Variants in EIF3A observed in about 807,000 individuals in gnomAD.
EIF3A encodes eukaryotic translation initiation factor 3 subunit A.
A neutral mutation model predicts 186.6 loss-of-function variants in EIF3A; 21 were observed. That is an observed-to-expected ratio of 0.11 (90% CI 0.08 to 0.16). The LOEUF (loss-of-function observed/expected upper bound fraction) is 0.16, where lower values mean the gene tolerates loss of function less well. Among genes scored for constraint, EIF3A ranks in the 10% least tolerant of loss-of-function variants. EIF3A has a pLI of 1.00. For missense variants in EIF3A, 1,306 were observed against 1,796.3 expected, an observed-to-expected ratio of 0.73 and a Z score of 4.93; for synonymous variants, 563 against 584.3, an observed-to-expected ratio of 0.96 and a Z score of 0.52.
intron 6 of EIF3A, among the ~76,000 whole-genome samples, chr10:119,066,861 T>C (rs1274087378): frequency 6.6e-6 from 1 of 152,204 alleles, no homozygotes; most frequent in African/African-American, 2.4e-5. Context: ...CTCACTATTA[T>C]TGTAGTACTC....
intron 8 of EIF3A, 134 bp downstream of exon 8, chr10:119,061,090 A>G: frequency 1.7e-6 from 1 of 578,386 alleles, no homozygotes; most frequent in Non-Finnish European, 3.0e-6. Flanking sequence ...GAAATAAAGA[A>G]AAAAGACAAT....
In EIF3A at chr10:119,071,071, G is replaced by A. The variant is rs764986538; in HGVS notation, c.556C>T (p.Leu186Phe). ...AATTCAGCCTTACGCGTGTATTGGA[G>A]GCAGAATTTGAAAGCTATAAGCATA... is the stretch of plus-strand genomic sequence containing the variant. ...DIAQQAFKFC[L>F]QYTRKAEFRK... Residue 186 changes from leucine (L) to phenylalanine (F), a missense_variant, in exon 5 of 22, where the codon CTC becomes TTC. By Grantham distance (22) the Leu-to-Phe change is conservative. This residue lies in a region of EIF3A where 130 missense variants were observed against 259.3 expected (regional missense o/e 0.50). Transcript: ENST00000369144. 1.2e-6 allele frequency: 2 copies of A among 1,613,212 alleles called. No individual in the cohort carries two copies. The highest frequency in any genetic ancestry group is 2.7e-5 in the African/African-American group (2 of 74,874).
intron 1 of EIF3A, among the ~76,000 whole-genome samples, chr10:119,074,641 T>C (rs1251885038): frequency 6.7e-6 from 1 of 149,220 alleles, no homozygotes; most frequent in East Asian, 2.0e-4. Flanking sequence ...AATAAAAAAA[T>C]AGAAAAATGG....
In EIF3A at chr10:119,060,836, AT is replaced by A; in HGVS notation, c.1235del (p.Asn412IlefsTer44). 1 of 1,604,340 alleles carries A rather than the reference AT, an allele frequency of 6.2e-7. No homozygotes were observed. The highest frequency in any genetic ancestry group is 8.5e-7 in the Non-Finnish European group (1 of 1,175,204). On this transcript the variant is annotated frameshift_variant, in exon 9 of 22. Coordinates refer to ENST00000369144, the MANE Select transcript of EIF3A (RefSeq NM_003750.4). LOFTEE classifies it high-confidence loss of function. ...KLCERVTKVL[N>X]WVREQPEKEP... ...CCTTTTCAGGTTGTTCCCTAACCCA[AT>A]TTAGAACCTATAAAATCCATTAAAT...
rs867823299 is a variant in EIF3A, at chr10:119,035,087, G to T, written c.*952C>A. 6.6e-6 allele frequency: 1 copy of T among 152,504 alleles called. No individual in the cohort carries two copies. Among genetic ancestry groups the T allele is most frequent in the African/African-American group, 2.4e-5 (1 of 41,398 alleles). 9.4% of individuals were successfully genotyped at this position (152,504 alleles called of 1,614,324 possible). ...TTATCACTGAAGAAAAAACACAGCA[G>T]CAAGTTCTGTGTTGGCTTCAATGAG... On this transcript the variant is annotated 3_prime_UTR_variant, in exon 22 of 22. Coordinates refer to ENST00000369144, the MANE Select transcript of EIF3A (RefSeq NM_003750.4).
chr10:119,065,236 C>T (rs1011380744), intron 7 of EIF3A, among the ~76,000 whole-genome samples, 163 bp downstream of exon 7: 4 of 152,126 alleles, frequency 2.6e-5, no homozygotes, highest in South Asian at 2.1e-4. Context: ...CCCACTGGCG[C>T]GGAACTGCCT....
At chr10:119,064,713 T>C (rs1196170634) in intron 7 of EIF3A, among the ~76,000 whole-genome samples, 1 of 151,912 alleles carries the variant, frequency 6.6e-6, no homozygotes, top group East Asian at 1.9e-4. Flanking sequence ...ACTTCTTTTT[T>C]GTTTGTTTGT....
At position 119,044,262 on chromosome 10, in the gene EIF3A, G is replaced by C. The variant is rs1490277981; in HGVS notation, c.2659-120C>G. ...CAATATGAAGCCCTTAAATAAGCAA[G>C]TTTTAAAATTTCATTTATTTTTTAA... On this transcript the variant is annotated intron_variant, in intron 17 of 21. Transcript: ENST00000369144. The C allele has an allele frequency of 7.2e-6, 5 of 693,912 alleles. No homozygotes were observed. The East Asian group carries it at 1.0e-4, about 14-fold the overall frequency. 43.0% of individuals were successfully genotyped at this position (693,912 alleles called of 1,614,324 possible).
intron 1 of EIF3A, among the ~76,000 whole-genome samples, chr10:119,074,618 CTTT>C (rs530924151): frequency 3.4e-5 from 5 of 145,566 alleles, no homozygotes. Context: ...CTAAAAAATT[CTTT>C]TTTTTTTTAA....
Position 119,058,211 on chromosome 10 carries a change from T to A in EIF3A, c.1722A>T (p.Thr574=). Residue 574 remains threonine (T), a synonymous_variant, in exon 12 of 22, where the codon ACA becomes ACT. Coordinates refer to ENST00000369144, the MANE Select transcript of EIF3A (RefSeq NM_003750.4). ...CAAGGCGCTCTTTTCTCTCCTCAAT[T>A]GTCTGGCGGCGAGCCAGGATCCGCT... ...EHQRILARRQ[T]IEERKERLES... 6.2e-7 allele frequency: 1 copy of A among 1,613,804 alleles called. No homozygotes were observed. The highest frequency in any genetic ancestry group is 8.5e-7 in the Non-Finnish European group (1 of 1,179,950).
At chr10:119,051,156 G>C (rs1848350959) in intron 15 of EIF3A, 43 bp downstream of exon 15, 3 of 1,563,810 alleles carry the variant, frequency 1.9e-6, no homozygotes, top group Non-Finnish European at 2.6e-6. Context: ...GCCAATACTA[G>C]AAAGCTCATG....
At chr10:119,070,815 A>C in intron 5 of EIF3A, 71 bp downstream of exon 5, 2 of 1,053,518 alleles carry the variant, frequency 1.9e-6, no homozygotes, top group Non-Finnish European at 2.9e-6. Context: ...AGATGAAGCT[A>C]TTCATTAAGG....
At position 119,033,872 on chromosome 10, in the gene EIF3A, T is replaced by TA. The variant is rs3061097; in HGVS notation, c.*2166dup. 0.027 allele frequency: 4,272 copies of TA among 160,872 alleles called. 200 individuals carry two copies. The highest frequency in any genetic ancestry group is 0.099 in the African/African-American group (3,899 of 39,408). The allele number at this position is 160,872 out of a possible 1,614,324, so 10.0% of individuals were successfully genotyped here. ...TCAATCTATGGTCAGTGTCTTTGGT[T>TA]AAAAAAAAAAAAAAACACAGGCAGT... On this transcript the variant is annotated 3_prime_UTR_variant, in exon 22 of 22. Coordinates refer to ENST00000369144, the MANE Select transcript of EIF3A (RefSeq NM_003750.4).
chr10:119,068,962 T>C (rs1238746063), intron 6 of EIF3A, among the ~76,000 whole-genome samples: 1 of 106,682 alleles, frequency 9.4e-6, no homozygotes, highest in Non-Finnish European at 1.8e-5. Context: ...AACAAAAGAC[T>C]CTGTCTTGCA....
rs1309165203 is a variant in EIF3A, at chr10:119,060,763, G to A, written c.1309C>T (p.Leu437Phe). Residue 437 changes from leucine to phenylalanine, a missense_variant, in exon 9 of 22, where the codon CTC becomes TTC. Coordinates refer to ENST00000369144, the MANE Select transcript of EIF3A (RefSeq NM_003750.4). ...YVPQLQNNTI[L>F]RLLQQVSQIY... is the part of the protein sequence containing the mutation. ...ATTTTTACCTGCTGCAGAAGGCGGAGGATGGTGTTGTTTTGCAGTTGTGGC... is the reference window on the plus strand; with the variant it reads ...ATTTTTACCTGCTGCAGAAGGCGGAAGATGGTGTTGTTTTGCAGTTGTGGC... 1 of 1,608,296 alleles carries A rather than the reference G, an allele frequency of 6.2e-7. No homozygotes were observed. Among genetic ancestry groups the A allele is most frequent in the Non-Finnish European group, 8.5e-7 (1 of 1,177,806 alleles).
At chr10:119,048,108 A>G (rs1010763828) in intron 17 of EIF3A, among the ~76,000 whole-genome samples, 1 of 150,708 alleles carries the variant, frequency 6.6e-6, no homozygotes, top group Non-Finnish European at 1.5e-5. Flanking sequence ...AGCAACACGG[A>G]AGACTACTAA....
intron 6 of EIF3A, among the ~76,000 whole-genome samples, chr10:119,067,030 T>C (rs1412650999): frequency 2.0e-5 from 3 of 151,714 alleles, no homozygotes; most frequent in African/African-American, 4.8e-5. Flanking sequence ...CTGGCTAACA[T>C]GGTGAAACCC....
rs751916228 is a variant in EIF3A at position 119,037,278 on chromosome 10, C to G, written c.3760G>C (p.Glu1254Gln). 1.2e-6 allele frequency: 2 copies of G among 1,614,154 alleles called. No individual in the cohort carries two copies. Among genetic ancestry groups the G allele is most frequent in the Admixed American group, 3.3e-5 (2 of 60,024 alleles). ...DEGGWRRGPA[E>Q]ESSSWRDSSR... ...GAGTCTCTCCAGCTTGAAGATTCCTCAGCTGGTCCTCTTCTCCAGCCACCT... is the reference window on the plus strand; with the variant it reads ...GAGTCTCTCCAGCTTGAAGATTCCTGAGCTGGTCCTCTTCTCCAGCCACCT... Residue 1254 changes from glutamate (E) to glutamine (Q), a missense_variant, in exon 21 of 22, where the codon GAG (glutamate) becomes CAG (glutamine). Coordinates refer to ENST00000369144, the MANE Select transcript of EIF3A (RefSeq NM_003750.4).
chr10:119,074,563 A>T (rs1198903804), intron 1 of EIF3A, among the ~76,000 whole-genome samples: 1 of 152,116 alleles, frequency 6.6e-6, no homozygotes, highest in Non-Finnish European at 1.5e-5. Flanking sequence ...GGTGTCAATG[A>T]AACTATGCAC....
Sources: allele counts gnomAD v4.1 joint callset (sites outside exome capture counted in the v4.1 genomes callset), GRCh38; gene constraint gnomAD v4.1.1; regional missense constraint gnomAD v4.1.1; transcripts MANE v1.5; gene names NCBI Gene and HGNC (gene_info 2026-07-23, HGNC 2026-07-21).